Variants in KCNQ3 observed in about 807,000 individuals in gnomAD.
KCNQ3 encodes the protein potassium voltage-gated channel subfamily KQT member 3.
A neutral mutation model predicts 92.5 loss-of-function variants in KCNQ3; 30 were observed. The observed-to-expected ratio is 0.32, with a 90% confidence interval of 0.24 to 0.44. KCNQ3 has a LOEUF of 0.44. Among genes scored for constraint, KCNQ3 ranks in the 20% least tolerant of loss-of-function variants. KCNQ3 has a pLI of 1.00. For synonymous variants in KCNQ3, 450 were observed against 468.8 expected, an observed-to-expected ratio of 0.96 and a Z score of 0.52; for missense variants, 913 against 1,140.3, an observed-to-expected ratio of 0.80 and a Z score of 2.87.
intron 1 of KCNQ3, among the ~76,000 whole-genome samples, chr8:132,348,998 CTCTT>C (rs892663722): frequency 6.6e-6 from 1 of 152,206 alleles, no homozygotes; most frequent in Admixed American, 6.5e-5. Context: ...AATAATCTGA[CTCTT>C]TCAGAAAAGC....
intron 9 of KCNQ3, among the ~76,000 whole-genome samples, chr8:132,142,589 C>T (rs2436139): frequency 0.51 from 77,861 of 152,010 alleles, 20,122 homozygotes; most frequent in Non-Finnish European, 0.53. Context: ...TGCGTGTTTT[C>T]GCCCAGTGGT....
intron 1 of KCNQ3, among the ~76,000 whole-genome samples, chr8:132,416,184 T>C (rs1017544431): frequency 3.9e-5 from 6 of 152,236 alleles, no homozygotes; most frequent in Non-Finnish European, 8.8e-5. Context: ...TAATTTTCCT[T>C]TTCTAAAAAT....
intron 1 of KCNQ3, among the ~76,000 whole-genome samples, chr8:132,473,039 T>C (rs1051940047): frequency 6.6e-6 from 1 of 152,164 alleles, no homozygotes; most frequent in African/African-American, 2.4e-5. Flanking sequence ...ATGCAACCAA[T>C]GTTTGACTCC....
chr8:132,383,421 G>C (rs1046291543), intron 1 of KCNQ3, among the ~76,000 whole-genome samples: 1 of 152,234 alleles, frequency 6.6e-6, no homozygotes, highest in African/African-American at 2.4e-5. Context: ...GGGGCTGGGG[G>C]AGGCTGGGTT....
intron 1 of KCNQ3, among the ~76,000 whole-genome samples, chr8:132,262,306 T>G (rs952301795): frequency 1.3e-5 from 2 of 152,218 alleles, no homozygotes; most frequent in Non-Finnish European, 2.9e-5. Context: ...ACTTTAGTTA[T>G]GGTTACACAA....
intron 1 of KCNQ3, among the ~76,000 whole-genome samples, chr8:132,414,324 G>A (rs932080635): frequency 3.9e-5 from 6 of 152,122 alleles, no homozygotes; most frequent in African/African-American, 1.4e-4. Context: ...GGAAGCCCAG[G>A]GAGGGATCCC....
intron 1 of KCNQ3, among the ~76,000 whole-genome samples, chr8:132,223,220 G>A (rs972903246): frequency 3.3e-5 from 5 of 152,186 alleles, no homozygotes; most frequent in Non-Finnish European, 5.9e-5. Context: ...ATAAGGGAGG[G>A]TGAGAGGGAG....
chr8:132,352,115 C>T (rs189334997), intron 1 of KCNQ3, among the ~76,000 whole-genome samples: 51 of 152,274 alleles, frequency 3.3e-4, no homozygotes, highest in African/African-American at 1.0e-3. Flanking sequence ...GCACTGTTTT[C>T]AACCCACGTT....
At chr8:132,473,319 T>A (rs1261923226) in intron 1 of KCNQ3, among the ~76,000 whole-genome samples, 1 of 152,158 alleles carries the variant, frequency 6.6e-6, no homozygotes, top group Non-Finnish European at 1.5e-5. Flanking sequence ...AGAGAAAAAC[T>A]GATGTTACTT....
intron 1 of KCNQ3, among the ~76,000 whole-genome samples, chr8:132,273,568 T>C (rs1409909479): frequency 1.3e-5 from 2 of 152,256 alleles, no homozygotes; most frequent in African/African-American, 4.8e-5. Context: ...AACATTTGAC[T>C]CTTTGTTGCT....
intron 1 of KCNQ3, among the ~76,000 whole-genome samples, chr8:132,224,175 T>G (rs1175272550): frequency 2.0e-5 from 3 of 147,852 alleles, no homozygotes; most frequent in African/African-American, 7.5e-5. Flanking sequence ...CCTCAAGTGA[T>G]TCTCCCACCT....
At chr8:132,224,464 C>T (rs760216613) in intron 1 of KCNQ3, among the ~76,000 whole-genome samples, 6 of 152,046 alleles carry the variant, frequency 3.9e-5, no homozygotes, top group Non-Finnish European at 7.4e-5. Flanking sequence ...TCCTTAAGAA[C>T]ATTCTTCCTT....
chr8:132,388,056 AGAG>A (rs1469705063), intron 1 of KCNQ3, among the ~76,000 whole-genome samples: 6 of 151,668 alleles, frequency 4.0e-5, no homozygotes, highest in East Asian at 1.9e-4. Flanking sequence ...AAGAAGAAGA[AGAG>A]AAGAAGAAGA....
intron 7 of KCNQ3, among the ~76,000 whole-genome samples, chr8:132,171,227 G>A (rs1826336321): frequency 1.3e-5 from 2 of 152,062 alleles, no homozygotes; most frequent in Non-Finnish European, 2.9e-5. Context: ...GGTGTGGGGA[G>A]TTAATGGGTC....
At chr8:132,171,415 T>C (rs1826345382) in intron 7 of KCNQ3, among the ~76,000 whole-genome samples, 1 of 152,134 alleles carries the variant, frequency 6.6e-6, no homozygotes, top group South Asian at 2.1e-4. Flanking sequence ...TGCTTTCCTA[T>C]TCACTGTGCC....
chr8:132,151,662 A>G (rs77193442), intron 9 of KCNQ3, among the ~76,000 whole-genome samples: 4 of 152,234 alleles, frequency 2.6e-5, no homozygotes, highest in Admixed American at 2.0e-4. Context: ...TGGCAAAATA[A>G]TTTATGGTAG....
intron 1 of KCNQ3, among the ~76,000 whole-genome samples, chr8:132,361,135 T>C (rs917303057): frequency 6.6e-6 from 1 of 152,224 alleles, no homozygotes; most frequent in Non-Finnish European, 1.5e-5. Context: ...ATGAGGTTAC[T>C]GAGCTAAGGC....
At chr8:132,437,350 G>C (rs1359382078) in intron 1 of KCNQ3, among the ~76,000 whole-genome samples, 5 of 151,906 alleles carry the variant, frequency 3.3e-5, no homozygotes, top group African/African-American at 1.2e-4. Flanking sequence ...CAGGCCTAAG[G>C]TTTTAGTTCT....
chr8:132,174,272 G>A lies in KCNQ3; in HGVS notation c.1011C>T (p.Ser337=). ...GGGCAAAAAAGGAGACGCCAATTAA[G>A]GAAAAGGTGGCGGCAATCAGACGGC... ...WEGRLIAATF[S]LIGVSFFALP... Residue 337 remains serine, a synonymous_variant, in exon 6 of 15, where the codon TCC becomes TCT. Coordinates refer to ENST00000388996, the MANE Select transcript of KCNQ3 (RefSeq NM_004519.4). 3 of 1,551,816 alleles carry A rather than the reference G, an allele frequency of 1.9e-6. No homozygotes were observed. Among genetic ancestry groups the A allele is most frequent in the Non-Finnish European group, 2.6e-6 (3 of 1,147,152 alleles).
Sources: gnomAD v4.1 joint callset for allele counts (sites outside exome capture counted in the v4.1 genomes callset) on GRCh38, gnomAD v4.1.1 for gene constraint, MANE v1.5 for transcripts, NCBI Gene and HGNC (gene_info 2026-07-23, HGNC 2026-07-21) for gene names.